OCLN: variants seen among roughly 807,000 people sequenced by gnomAD.
OCLN encodes phosphatase 1, regulatory subunit 115.
A neutral mutation model predicts 47.9 loss-of-function variants in OCLN; 21 were observed. The observed-to-expected ratio is 0.44, with a 90% CI of 0.31 to 0.63. The LOEUF (loss-of-function observed/expected upper bound fraction) is 0.63, where lower values mean the gene tolerates loss of function less well. Ranked by LOEUF, OCLN falls within the 30% of genes least tolerant of loss-of-function variation. The pLI is 0.08. For synonymous variants in OCLN, 117 were observed against 198.4 expected (o/e 0.59, Z 3.45); for missense variants, 360 against 571.0 (o/e 0.63, Z 3.77).
At chr5:69,526,439 A>G (rs1769281673) in intron 4 of OCLN, among the ~76,000 whole-genome samples, 1 of 152,176 alleles carries the variant, frequency 6.6e-6, no homozygotes, top group Non-Finnish European at 1.5e-5. Context: ...AAACTCTGGC[A>G]TGAGGTACAG....
chr5:69,519,450 C>CA (rs1769070896), intron 4 of OCLN, among the ~76,000 whole-genome samples: 1 of 152,162 alleles, frequency 6.6e-6, no homozygotes, highest in Admixed American at 6.5e-5. Context: ...CTCTGCCCTT[C>CA]TTAGGGCTTT....
At chr5:69,528,495 G>A (rs973894767) in intron 4 of OCLN, among the ~76,000 whole-genome samples, 1 of 152,144 alleles carries the variant, frequency 6.6e-6, no homozygotes, top group African/African-American at 2.4e-5. Flanking sequence ...TCAAAATGGG[G>A]AGGAGTTTAA....
At position 69,509,602 on chromosome 5, in the gene OCLN, A is replaced by C. The variant is rs1305728099; in HGVS notation, c.512A>C (p.Tyr171Ser). 6.2e-7 allele frequency: 1 copy of C among 1,614,096 alleles called. No homozygotes were observed. Among genetic ancestry groups the C allele is most frequent in the African/African-American group, 1.3e-5 (1 of 74,946 alleles). Reference sequence around the variant, plus strand: ...TCTGAAATGTCCAGAACAAGAAGATACTACTTAAGTGTGATAATAGTGAGT... The same window carrying C: ...TCTGAAATGTCCAGAACAAGAAGATCCTACTTAAGTGTGATAATAGTGAGT... ...IRSEMSRTRRYYLSVIIVSAI... is the reference protein window; with the variant it reads ...IRSEMSRTRRSYLSVIIVSAI... The change falls in exon 3 of 9, where the codon TAC (tyrosine) becomes TCC (serine). Residue 171 changes from tyrosine (Y) to serine (S), a missense_variant. Transcript: ENST00000396442.
intron 1 of OCLN, among the ~76,000 whole-genome samples, chr5:69,502,752 G>A (rs541979457): frequency 6.6e-5 from 10 of 152,188 alleles, no homozygotes; most frequent in Non-Finnish European, 1.2e-4. Flanking sequence ...TTAGGGGGTT[G>A]TGTGTTTACC....
At chr5:69,492,921 C>T (rs567015430) in intron 1 of OCLN, 21 bp downstream of exon 1, 30 of 152,516 alleles carry the variant, frequency 2.0e-4, no homozygotes, top group African/African-American at 7.0e-4. Context: ...GGCGCGGCGT[C>T]AGGGGCGCAC....
intron 4 of OCLN, among the ~76,000 whole-genome samples, chr5:69,528,483 T>C (rs28562181): frequency 0.87 from 132,348 of 152,122 alleles, 57,771 homozygotes; most frequent in African/African-American, 0.9. Flanking sequence ...AAATAAAGCT[T>C]TTCAAAATGG....
At chr5:69,518,769 C>T (rs1247199314) in intron 4 of OCLN, among the ~76,000 whole-genome samples, 1 of 152,168 alleles carries the variant, frequency 6.6e-6, no homozygotes, top group African/African-American at 2.4e-5. Context: ...GAATTAACTA[C>T]TTGCACTAAA....
chr5:69,507,708 T>A (rs1768647879), intron 2 of OCLN, among the ~76,000 whole-genome samples: 1 of 150,048 alleles, frequency 6.7e-6, no homozygotes, highest in Non-Finnish European at 1.5e-5. Context: ...TGGGTTCAAG[T>A]GATTCTCCTG....
rs1768539346 is a variant in OCLN at position 69,504,374 on chromosome 5, G to A, written c.50+80G>A. On this transcript the variant is annotated intron_variant, in intron 2 of 8. Coordinates refer to ENST00000396442, the MANE Select transcript of OCLN (RefSeq NM_001205254.2). Reference sequence around the variant, plus strand: ...AATAAGTATGGTTGAAACTTTAAGTGTTTGCTTTTAAAAATAAAACGATAT... The same window carrying A: ...AATAAGTATGGTTGAAACTTTAAGTATTTGCTTTTAAAAATAAAACGATAT... The A allele has an allele frequency of 4.5e-6, 4 of 884,524 alleles. No individual in the cohort carries two copies. The Admixed American group carries it at 5.9e-5, about 13-fold the overall frequency. 54.8% of individuals were successfully genotyped at this position (884,524 alleles called of 1,614,324 possible).
intron 1 of OCLN, among the ~76,000 whole-genome samples, chr5:69,500,069 G>A (rs1768412596): frequency 6.6e-6 from 1 of 152,232 alleles, no homozygotes; most frequent in Admixed American, 6.5e-5. Flanking sequence ...GATGGCCCTA[G>A]CCAATGGGTT....
chr5:69,510,248 G>C (rs772080566), intron 3 of OCLN, among the ~76,000 whole-genome samples: 7 of 152,188 alleles, frequency 4.6e-5, no homozygotes, highest in Middle Eastern at 3.4e-3. Context: ...CTTCTTTTAC[G>C]TAGCATAATG....
chr5:69,526,568 A>ACTTATTCAGAGCTCTAATAG (rs1355052305), intron 4 of OCLN, among the ~76,000 whole-genome samples: 4 of 152,148 alleles, frequency 2.6e-5, no homozygotes, highest in Non-Finnish European at 4.4e-5. Flanking sequence ...AGCTCTAATA[A>ACTTATTCAGAGCTCTAATAG]CTTATTGACT....
chr5:69,506,573 AC>A (rs1005722380), intron 2 of OCLN, among the ~76,000 whole-genome samples: 6 of 152,216 alleles, frequency 3.9e-5, no homozygotes, highest in African/African-American at 1.4e-4. Flanking sequence ...AAAAGTTCCA[AC>A]CCTCTAATCC....
intron 1 of OCLN, among the ~76,000 whole-genome samples, chr5:69,500,003 C>A (rs2111940811): frequency 6.6e-6 from 1 of 152,330 alleles, no homozygotes; most frequent in South Asian, 2.1e-4. Flanking sequence ...GCTGTTAAAA[C>A]CACTAGGTTG....
At chr5:69,526,905 G>A (rs1353746877) in intron 4 of OCLN, among the ~76,000 whole-genome samples, 4 of 152,300 alleles carry the variant, frequency 2.6e-5, no homozygotes, top group Middle Eastern at 3.4e-3. Flanking sequence ...ACAAACATTC[G>A]TGTTACATAC....
intron 4 of OCLN, among the ~76,000 whole-genome samples, chr5:69,525,753 T>C (rs1260820997): frequency 6.6e-6 from 1 of 152,208 alleles, no homozygotes; most frequent in Non-Finnish European, 1.5e-5. Flanking sequence ...TTTTCACAAA[T>C]GACTAACCCT....
At chr5:69,514,891 C>T (rs1768885622) in intron 4 of OCLN, among the ~76,000 whole-genome samples, 2 of 152,230 alleles carry the variant, frequency 1.3e-5, no homozygotes, top group African/African-American at 2.4e-5. Flanking sequence ...TTTCTTAGTA[C>T]AGAACAAAAT....
chr5:69,515,158 C>T (rs1265789686), intron 4 of OCLN, among the ~76,000 whole-genome samples: 1 of 142,608 alleles, frequency 7.0e-6, no homozygotes, highest in East Asian at 2.1e-4. Context: ...GGGGGGCTGA[C>T]CCCCCCACCT....
intron 4 of OCLN, among the ~76,000 whole-genome samples, chr5:69,516,193 C>A (rs1167956713): frequency 6.6e-6 from 1 of 152,206 alleles, no homozygotes; most frequent in East Asian, 1.9e-4. Context: ...CCACTGCACT[C>A]CAGCCTGGGC....
Sources: gnomAD v4.1 joint callset for allele counts (sites outside exome capture counted in the v4.1 genomes callset) on GRCh38, gnomAD v4.1.1 for gene constraint, MANE v1.5 for transcripts, NCBI Gene and HGNC (gene_info 2026-07-23, HGNC 2026-07-21) for gene names.